Variants in ACAA1 observed in about 807,000 individuals in gnomAD.
ACAA1 encodes the protein acetyl-CoA acyltransferase 1, also known as 3-ketoacyl-CoA thiolase, peroxisomal.
Under a neutral mutation model 48.8 loss-of-function variants are expected in ACAA1, and 44 were observed. The ratio of observed to expected loss-of-function variants is 0.90; its 90% CI spans 0.71 to 1.16. The LOEUF is 1.16. ACAA1 is among the 50% of genes most tolerant of loss of function. The probability of loss-of-function intolerance (pLI) is 0.00; values close to 1 mark genes in which losing one functional copy is unlikely to be tolerated. For missense variants in ACAA1, 512 were observed against 562.3 expected (o/e 0.91, Z 0.90); for synonymous variants, 233 against 226.5 (o/e 1.03, Z -0.26).
chr3:38,136,918 C>T lies in ACAA1; in HGVS notation c.118G>A (p.Val40Met). The change falls in exon 1 of 12, where the codon GTG becomes ATG. Residue 40 changes from valine to methionine, a missense_variant. Val to Met is a conservative substitution (Grantham distance 21). Transcript: ENST00000333167. Reference protein sequence around the residue: ...APQASAADVVVVHGRRTAICR... With the variant: ...APQASAADVVMVHGRRTAICR... ...ATGGCCGTGCGCCGCCCGTGCACCACCACCACGTCCGCGGCCGAGGCCTGC... is the reference window on the plus strand; with the variant it reads ...ATGGCCGTGCGCCGCCCGTGCACCATCACCACGTCCGCGGCCGAGGCCTGC... 1 of 1,538,168 alleles carries T rather than the reference C, an allele frequency of 6.5e-7. No homozygotes were observed. Among genetic ancestry groups the T allele is most frequent in the Non-Finnish European group, 8.7e-7 (1 of 1,145,144 alleles).
chr3:38,126,055 C>A lies in ACAA1; in HGVS notation c.997+107G>T, dbSNP rs1700675167. ...TATGGGACACTAGCCTGCCCCACCTCCACTCTGCAGCACCCACAGGACCAC... is the reference window on the plus strand; with the variant it reads ...TATGGGACACTAGCCTGCCCCACCTACACTCTGCAGCACCCACAGGACCAC... On this transcript the variant is annotated intron_variant, in intron 9 of 11. Transcript: ENST00000333167. This position sits in a 1 kb window ranked among gnomAD's most constrained non-coding sequence, Gnocchi z 4.7. 1.4e-6 allele frequency: 2 copies of A among 1,469,508 alleles called. No homozygotes were observed. The highest frequency in any genetic ancestry group is 2.8e-5 in the African/African-American group (2 of 71,802). 91.0% of individuals were successfully genotyped at this position (1,469,508 alleles called of 1,614,324 possible).
intron 5 of ACAA1, 77 bp downstream of exon 5, chr3:38,131,519 G>C: frequency 6.9e-7 from 1 of 1,459,632 alleles, no homozygotes. Context: ...TGAAATCATG[G>C]CCTCTGAGAA....
chr3:38,123,389 C>T, intron 11 of ACAA1: 2 of 450,340 alleles, frequency 4.4e-6, no homozygotes, highest in Admixed American at 3.8e-5. Context: ...TGTGCATGTT[C>T]CCCTCCCCAG....
chr3:38,131,864 G>A (rs1006095060), intron 4 of ACAA1, 62 bp downstream of exon 4: 34 of 1,492,412 alleles, frequency 2.3e-5, no homozygotes, highest in Non-Finnish European at 3.2e-5. Context: ...CCGGCAGACA[G>A]CGACTTTGCT....
chr3:38,137,120 C>A lies in ACAA1; in HGVS notation c.-85G>T. 1 of 1,134,868 alleles carries A rather than the reference C, an allele frequency of 8.8e-7. No homozygotes were observed. Among genetic ancestry groups the A allele is most frequent in the Admixed American group, 3.1e-5 (1 of 32,420 alleles). The allele number at this position is 1,134,868 out of a possible 1,614,324, so 70.3% of individuals were successfully genotyped here. ...ACAGCCGTCCGCACACGCGCAGAAC[C>A]ACATCTCAGCCTCCAAGGCCTCAAC... is the stretch of plus-strand genomic sequence containing the variant. On this transcript the variant is annotated 5_prime_UTR_variant, in exon 1 of 12. Coordinates refer to ENST00000333167, the MANE Select transcript of ACAA1 (RefSeq NM_001607.4).
intron 5 of ACAA1, 91 bp downstream of exon 5, chr3:38,131,505 A>T: frequency 2.2e-6 from 3 of 1,380,966 alleles, no homozygotes; most frequent in East Asian, 2.3e-5. Context: ...GATGGGGGGA[A>T]TCCTGAAATC....
Position 38,126,731 on chromosome 3 carries a change from C to T in ACAA1, c.627-31G>A, listed in dbSNP as rs1447587074. ...AGCACCATGGACAGCCAGCTTCAGACTCCCTTGGGGTTCCCTTCCTCCCTG... is the reference window on the plus strand; with the variant it reads ...AGCACCATGGACAGCCAGCTTCAGATTCCCTTGGGGTTCCCTTCCTCCCTG... On this transcript the variant is annotated intron_variant, in intron 7 of 11. Coordinates refer to ENST00000333167, the MANE Select transcript of ACAA1 (RefSeq NM_001607.4). This position sits in a 1 kb window ranked among gnomAD's most constrained non-coding sequence, Gnocchi z 4.7. 1 of 1,611,962 alleles carries T rather than the reference C, an allele frequency of 6.2e-7. No individual in the cohort carries two copies. The highest frequency in any genetic ancestry group is 1.1e-5 in the South Asian group (1 of 90,992).
intron 3 of ACAA1, chr3:38,133,616 A>G: frequency 3.2e-6 from 1 of 316,376 alleles, no homozygotes; most frequent in Non-Finnish European, 5.9e-6. Context: ...AACTAGTAAA[A>G]AGGCTGAAAG....
At chr3:38,133,217 A>G (rs1030553698) in intron 3 of ACAA1, among the ~76,000 whole-genome samples, 2 of 152,130 alleles carry the variant, frequency 1.3e-5, no homozygotes, top group African/African-American at 2.4e-5. Flanking sequence ...CAGAATGACC[A>G]TATCAGGGAA....
intron 2 of ACAA1, 132 bp from the exon 3 acceptor site, chr3:38,134,141 C>A: frequency 1.2e-6 from 1 of 834,178 alleles, no homozygotes. Context: ...TCACTTGCAA[C>A]TCTGGAACAT....
Position 38,126,778 on chromosome 3 carries a change from G to A in ACAA1, c.627-78C>T. 3 of 1,558,512 alleles carry A rather than the reference G, an allele frequency of 1.9e-6. No individual in the cohort carries two copies. On this transcript the variant is annotated intron_variant, in intron 7 of 11. Coordinates refer to ENST00000333167, the MANE Select transcript of ACAA1 (RefSeq NM_001607.4). The surrounding 1 kb of genome is among the most constrained non-coding windows in gnomAD (Gnocchi z 4.7). ...CCTGCCCCCAACCCCTATCCATTTG[G>A]GTAGACACAAGCTCAGGCTGCTAAA... is the stretch of plus-strand genomic sequence containing the variant.
Position 38,125,670 on chromosome 3 carries a change from T to A in ACAA1, c.1094A>T (p.Lys365Met). 6.3e-7 allele frequency: 1 copy of A among 1,598,804 alleles called. No homozygotes were observed. Among genetic ancestry groups the A allele is most frequent in the Middle Eastern group, 1.7e-4 (1 of 5,962 alleles). The change falls in exon 11 of 12, where the codon AAG (lysine) becomes ATG (methionine). Residue 365 changes from lysine (K) to methionine (M), a missense_variant. Transcript: ENST00000333167. ...CACTGCACCCCCCAGGGGGTTCACC[T>A]TCTCAGGGGGGAGTCGTAGCTTCTC... is the stretch of plus-strand genomic sequence containing the variant. The part of the protein sequence containing the change: ...CVEKLRLPPE[K>M]VNPLGGAVAL...
rs1003545590 is a variant in ACAA1 at position 38,136,994 on chromosome 3, C to G, written c.42G>C (p.Pro14=). Residue 14 remains proline (P), a synonymous_variant, in exon 1 of 12, where the codon CCG becomes CCC. Coordinates refer to ENST00000333167, the MANE Select transcript of ACAA1 (RefSeq NM_001607.4). ...LQVVLGHLRG[P]ADSGWMPQAA... is the part of the protein sequence containing the mutation. ...CCTGCGGCATCCAGCCGGAATCGGC[C>G]GGACCCCTCAGGTGGCCCAGCACTA... The G allele has an allele frequency of 6.4e-7, 1 of 1,564,606 alleles. No homozygotes were observed. The highest frequency in any genetic ancestry group is 2.4e-5 in the East Asian group (1 of 41,466).
intron 6 of ACAA1, 118 bp from the exon 7 acceptor site, chr3:38,127,984 A>G: frequency 1.1e-6 from 1 of 919,270 alleles, no homozygotes; most frequent in Non-Finnish European, 1.8e-6. Flanking sequence ...GACAGGATGT[A>G]AGGGCCAGTC....
At chr3:38,132,073 C>T (rs527288624) in intron 3 of ACAA1, 68 bp from the exon 4 acceptor site, 1 of 1,419,284 alleles carries the variant, frequency 7.0e-7, no homozygotes, top group East Asian at 2.3e-5. Context: ...GAAAGCAGTC[C>T]TATGCTTCTA....
At chr3:38,135,654 A>T (rs1700875321) in intron 2 of ACAA1, among the ~76,000 whole-genome samples, 1 of 152,174 alleles carries the variant, frequency 6.6e-6, no homozygotes, top group African/African-American at 2.4e-5. Context: ...ACCTGCAGCC[A>T]TAAGGCGGTT....
At chr3:38,133,689 A>G (rs1700832567) in intron 3 of ACAA1, 1 of 538,458 alleles carries the variant, frequency 1.9e-6, no homozygotes, top group African/African-American at 1.9e-5. Context: ...CCACACTCAC[A>G]AAAGGCAAAT....
At chr3:38,136,542 G>A in intron 2 of ACAA1, 50 bp downstream of exon 2, 2 of 1,604,116 alleles carry the variant, frequency 1.2e-6, no homozygotes, top group Middle Eastern at 1.7e-4. Context: ...AGCTCTGGAC[G>A]AACGGAAGAA....
At position 38,125,538 on chromosome 3, in the gene ACAA1, A is replaced by AC. The variant is rs763850713; in HGVS notation, c.1199+26dup. 2.0e-6 allele frequency: 3 copies of AC among 1,519,312 alleles called. No homozygotes were observed. In the Admixed American group the frequency reaches 6.7e-5, roughly 34 times the overall value. The allele number at this position is 1,519,312 out of a possible 1,614,324, so 94.1% of individuals were successfully genotyped here. ...GCCCTAACTTGGATATCCCCCTATG[A>AC]CCCCACCGCCAGGAGCAAAGCCTTA... On this transcript the variant is annotated intron_variant, in intron 11 of 11. Transcript: ENST00000333167.
Sources: allele counts gnomAD v4.1 joint callset (sites outside exome capture counted in the v4.1 genomes callset), GRCh38; gene constraint gnomAD v4.1.1; non-coding constraint Gnocchi (gnomAD v3.1); transcripts MANE v1.5; gene names NCBI Gene and HGNC (gene_info 2026-07-23, HGNC 2026-07-21).